The following DENND4C variants were observed in gnomAD, a reference collection of about 807,000 sequenced individuals.
DENND4C encodes the protein DENN domain-containing protein 4C.
In DENND4C, 108 loss-of-function variants were observed where a neutral mutation model predicts 203.0. The observed-to-expected ratio is 0.53, with a 90% CI of 0.46 to 0.62. The LOEUF (loss-of-function observed/expected upper bound fraction) is 0.62. Among genes scored for constraint, DENND4C ranks in the 20% least tolerant of loss-of-function variants. DENND4C has a pLI of 0.00. For synonymous variants in DENND4C, 871 were observed against 792.4 expected (o/e 1.10, Z -1.67); for missense variants, 2,481 against 2,301.2 (o/e 1.08, Z -1.60).
At chr9:19,337,366 G>A (rs183050919) in intron 20 of DENND4C, among the ~76,000 whole-genome samples, 29 of 152,318 alleles carry the variant, frequency 1.9e-4, no homozygotes, top group African/African-American at 6.7e-4. Context: ...AGCACGTTGT[G>A]CAGATATATG....
intron 1 of DENND4C, among the ~76,000 whole-genome samples, chr9:19,262,448 C>CTTTTTTTTTTTTTTTT (rs59268086): frequency 2.2e-5 from 3 of 134,196 alleles, no homozygotes; most frequent in Non-Finnish European, 3.2e-5. Context: ...TATATCATAT[C>CTTTTTTTTTTTTTTTT]TTTTTTTTTT....
rs778851435 is a variant in DENND4C, at chr9:19,325,979, G to A, written c.1989+5G>A. On this transcript the variant is annotated splice_donor_5th_base_variant and intron_variant, in intron 14 of 32. Coordinates refer to ENST00000434457, the MANE Select transcript of DENND4C (RefSeq NM_001330640.2). Reference sequence around the variant, plus strand: ...GGCACAGAGAAAACAGATAAGGTATGTTTTTCTTAGATTTTAAGGGTTGAA... The same window carrying A: ...GGCACAGAGAAAACAGATAAGGTATATTTTTCTTAGATTTTAAGGGTTGAA... 18 of 1,608,722 alleles carry A rather than the reference G, an allele frequency of 1.1e-5. No individual in the cohort carries two copies. The South Asian group carries it at 1.8e-4, about 16-fold the overall frequency.
rs201657202 is a variant in DENND4C at position 19,300,260 on chromosome 9, C to T, written c.1240C>T (p.Leu414Phe). ...NCATLLLFVL[L>F]ESKILLHSLR... ...TGCAACACTGCTGCTCTTTGTTTTA[C>T]TTGAGAGTAAAATTCTGCTGCATTC... Residue 414 changes from leucine to phenylalanine, a missense_variant, in exon 9 of 33, where the codon CTT becomes TTT. Coordinates refer to ENST00000434457, the MANE Select transcript of DENND4C (RefSeq NM_001330640.2). 1.8e-5 allele frequency: 29 copies of T among 1,612,386 alleles called. No individual in the cohort carries two copies. The highest frequency in any genetic ancestry group is 2.2e-5 in the Non-Finnish European group (26 of 1,178,960).
At chr9:19,350,928 C>CTT in intron 24 of DENND4C, 49 bp downstream of exon 24, 17 of 1,235,746 alleles carry the variant, frequency 1.4e-5, no homozygotes, top group South Asian at 1.6e-5. Context: ...ATAGTTTTTG[C>CTT]TTTTTTTTTT....
chr9:19,254,759 G>T (rs1827509989), intron 1 of DENND4C, among the ~76,000 whole-genome samples: 1 of 152,088 alleles, frequency 6.6e-6, no homozygotes, highest in African/African-American at 2.4e-5. Flanking sequence ...TACATAATGT[G>T]TATATATATA....
chr9:19,265,177 G>A lies in DENND4C; in HGVS notation c.-17-10981G>A, dbSNP rs150806625. On this transcript the variant is annotated intron_variant, in intron 1 of 32. Coordinates refer to ENST00000434457, the MANE Select transcript of DENND4C (RefSeq NM_001330640.2). Reference sequence around the variant, plus strand: ...CTACAGGTTTACACCACCAGGCCTGGCTAAGTTACTGTATTTTTTTTTAGA... The same window carrying A: ...CTACAGGTTTACACCACCAGGCCTGACTAAGTTACTGTATTTTTTTTTAGA... 2.6e-5 allele frequency among the ~76,000 whole-genome samples: 4 copies of A among 152,040 alleles called. No individual in the cohort carries two copies. The East Asian group carries it at 7.8e-4, about 29-fold the overall frequency.
intron 10 of DENND4C, among the ~76,000 whole-genome samples, chr9:19,315,580 TAC>T (rs1343804186): frequency 6.6e-6 from 1 of 151,372 alleles, no homozygotes; most frequent in Non-Finnish European, 1.5e-5. Context: ...TATATACGTG[TAC>T]ATATATGTAT....
At chr9:19,286,681 A>G (rs1012093544) in intron 2 of DENND4C, 88 bp from the exon 3 acceptor site, 7 of 1,159,730 alleles carry the variant, frequency 6.0e-6, no homozygotes, top group Non-Finnish European at 7.6e-6. Flanking sequence ...AACCAGCATT[A>G]ACCTGAAATG....
chr9:19,260,851 C>G (rs554800156), intron 1 of DENND4C, among the ~76,000 whole-genome samples: 2 of 152,094 alleles, frequency 1.3e-5, no homozygotes, highest in East Asian at 1.9e-4. Context: ...CTTTGGTTAC[C>G]TATGCTTTTG....
At chr9:19,249,530 A>T (rs1826053771) in intron 1 of DENND4C, among the ~76,000 whole-genome samples, 1 of 152,090 alleles carries the variant, frequency 6.6e-6, no homozygotes, top group Admixed American at 6.5e-5. Flanking sequence ...TGCTGGGATT[A>T]TAGGTGTAAG....
intron 17 of DENND4C, among the ~76,000 whole-genome samples, chr9:19,334,237 G>T (rs900589596): frequency 1.3e-5 from 2 of 152,104 alleles, no homozygotes; most frequent in African/African-American, 4.8e-5. Context: ...TTTTTGTAGA[G>T]ATGGAGTTTC....
intron 1 of DENND4C, among the ~76,000 whole-genome samples, chr9:19,272,499 C>T (rs117170615): frequency 0.012 from 1,800 of 152,118 alleles, 16 homozygotes; most frequent in Middle Eastern, 0.02. Context: ...GCAATCCTCC[C>T]TCCCACCTCG....
At chr9:19,294,647 A>G (rs768844506) in intron 5 of DENND4C, among the ~76,000 whole-genome samples, 6 of 152,350 alleles carry the variant, frequency 3.9e-5, no homozygotes, top group South Asian at 4.1e-4. Flanking sequence ...ACGTGCATCA[A>G]CGTATGAATG....
At chr9:19,281,035 C>T (rs73429051) in intron 2 of DENND4C, among the ~76,000 whole-genome samples, 4,181 of 152,282 alleles carry the variant, frequency 0.027, 185 homozygotes, top group African/African-American at 0.093. Flanking sequence ...GCCACTGTGC[C>T]GGGCCAGTCG....
chr9:19,279,391 A>G (rs998608265), intron 2 of DENND4C, among the ~76,000 whole-genome samples: 1 of 148,774 alleles, frequency 6.7e-6, no homozygotes, highest in East Asian at 2.0e-4. Flanking sequence ...AAAATGAGCA[A>G]GGGCCCGGTG....
At chr9:19,281,665 A>G (rs1399559883) in intron 2 of DENND4C, among the ~76,000 whole-genome samples, 1 of 152,254 alleles carries the variant, frequency 6.6e-6, no homozygotes, top group African/African-American at 2.4e-5. Flanking sequence ...ATAAAGTACA[A>G]TCATGTATCA....
In DENND4C at chr9:19,352,125, T is replaced by A. The variant is rs755057519; in HGVS notation, c.4548T>A (p.Asp1516Glu). Residue 1516 changes from aspartate (D) to glutamate (E), a missense_variant, in exon 25 of 33, where the codon GAT (aspartate) becomes GAA (glutamate). This residue lies in a region of DENND4C where 2,289 missense variants were observed against 2,113.3 expected (regional missense o/e 1.08). Coordinates refer to ENST00000434457, the MANE Select transcript of DENND4C (RefSeq NM_001330640.2). ...GMKGQDFEKSDHGSSQNTSMS... is the reference protein window; with the variant it reads ...GMKGQDFEKSEHGSSQNTSMS... ...AAGGGCAAGACTTTGAAAAATCAGA[T>A]CATGGTTCTTCTCAAAATACCAGCA... The A allele has an allele frequency of 6.2e-7, 1 of 1,613,914 alleles. No individual in the cohort carries two copies. The highest frequency in any genetic ancestry group is 8.5e-7 in the Non-Finnish European group (1 of 1,179,910).
chr9:19,352,322 A>G (rs958376385), intron 25 of DENND4C, 140 bp downstream of exon 25: 2 of 1,029,472 alleles, frequency 1.9e-6, no homozygotes, highest in Middle Eastern at 2.5e-4. Context: ...TTGATGTCTT[A>G]TGTAAGTAAG....
intron 1 of DENND4C, among the ~76,000 whole-genome samples, chr9:19,235,698 C>T (rs1308680174): frequency 6.6e-6 from 1 of 150,448 alleles, no homozygotes; most frequent in Non-Finnish European, 1.5e-5. Context: ...GCAAGCTCCT[C>T]CTCCCGGGTT....
Sources: gnomAD v4.1 joint callset for allele counts (sites outside exome capture counted in the v4.1 genomes callset) on GRCh38, gnomAD v4.1.1 for gene constraint, gnomAD v4.1.1 regional missense constraint, MANE v1.5 for transcripts, NCBI Gene and HGNC (gene_info 2026-07-23, HGNC 2026-07-21) for gene names.